The following PTPRN2 variants were observed in gnomAD, a reference collection of about 807,000 sequenced individuals.
PTPRN2 encodes the protein protein tyrosine phosphatase receptor type N2, also known as receptor-type tyrosine-protein phosphatase N2.
PTPRN2 carries 74 observed loss-of-function variants against 118.8 expected under a neutral mutation model. That is an observed-to-expected ratio of 0.62 (90% CI 0.52 to 0.76). PTPRN2 has a LOEUF of 0.76. Among genes scored for constraint, PTPRN2 ranks in the 30% least tolerant of loss-of-function variants. The pLI, the probability that PTPRN2 is intolerant of heterozygous loss-of-function variation, is 0.00. For synonymous variants in PTPRN2, 641 were observed against 608.0 expected (o/e 1.05, Z -0.80); for missense variants, 1,481 against 1,394.4 (o/e 1.06, Z -0.99).
At chr7:158,221,668 C>T (rs930265614) in intron 3 of PTPRN2, among the ~76,000 whole-genome samples, 1 of 152,082 alleles carries the variant, frequency 6.6e-6, no homozygotes, top group African/African-American at 2.4e-5. Flanking sequence ...TCGGATCCAT[C>T]AGATCTCATG....
At chr7:158,441,149 G>A (rs553790264) in intron 2 of PTPRN2, among the ~76,000 whole-genome samples, 27 of 150,326 alleles carry the variant, frequency 1.8e-4, no homozygotes, top group Admixed American at 3.9e-4. Flanking sequence ...TAGTGATGGT[G>A]GTGATAGTGA....
Position 157,623,791 on chromosome 7 carries a change from A to T in PTPRN2, c.2197-2282T>A, listed in dbSNP as rs563582289. Among the ~76,000 whole-genome samples the T allele has an allele frequency of 1.6e-4, 24 of 152,260 alleles. No individual in the cohort carries two copies. The South Asian group carries it at 3.7e-3, about 24-fold the overall frequency. On this transcript the variant is annotated intron_variant, in intron 14 of 22. Transcript: ENST00000389418. The stretch of plus-strand genomic sequence containing the variant: ...CTCTATTAAAACTGAGATAGAGCTG[A>T]CATCTCTCTGCACACGCCACTCCAG...
intron 11 of PTPRN2, among the ~76,000 whole-genome samples, chr7:157,999,004 C>T (rs1805008190): frequency 6.6e-6 from 1 of 151,890 alleles, no homozygotes; most frequent in African/African-American, 2.4e-5. Flanking sequence ...GTGACCCCTA[C>T]AGTGCTGACA....
intron 5 of PTPRN2, among the ~76,000 whole-genome samples, chr7:158,184,312 C>T (rs1234168457): frequency 6.6e-6 from 1 of 152,112 alleles, no homozygotes. Context: ...TTTCATTGTA[C>T]ATTGTCTTAC....
At chr7:158,201,582 G>C (rs1826651374) in intron 4 of PTPRN2, among the ~76,000 whole-genome samples, 1 of 152,054 alleles carries the variant, frequency 6.6e-6, no homozygotes, top group African/African-American at 2.4e-5. Context: ...CCAGATCCAG[G>C]AGATAATCAA....
intron 1 of PTPRN2, among the ~76,000 whole-genome samples, chr7:158,524,482 AGCGGAGTCTGCCCTGG>A: frequency 1.0e-5 from 1 of 96,152 alleles, no homozygotes; most frequent in Non-Finnish European, 2.1e-5. Flanking sequence ...TCTGCCCTGG[AGCGGAGTCTGCCCTGG>A]AGTGGAGTCG....
In PTPRN2 at chr7:157,787,985, G is replaced by A. The variant is rs1804182209; in HGVS notation, c.1789-105048C>T. ...GGTCCCCTGGGAACCACGCAGCCGG[G>A]GCCTGGAGGCCGACACAAGCCAGAC... On this transcript the variant is annotated intron_variant, in intron 12 of 22. Transcript: ENST00000389418. The surrounding 1 kb of genome is among the most constrained non-coding windows in gnomAD (Gnocchi z 5.3). Among the ~76,000 whole-genome samples the A allele has an allele frequency of 6.6e-6, 1 of 152,212 alleles. No homozygotes were observed. The highest frequency in any genetic ancestry group is 1.5e-5 in the Non-Finnish European group (1 of 68,034).
At chr7:157,820,983 G>A (rs934218518) in intron 12 of PTPRN2, among the ~76,000 whole-genome samples, 1 of 152,206 alleles carries the variant, frequency 6.6e-6, no homozygotes, top group Non-Finnish European at 1.5e-5. Flanking sequence ...CACGCTGGAG[G>A]GGAGGCAAGA....
intron 2 of PTPRN2, among the ~76,000 whole-genome samples, chr7:158,376,416 T>C (rs1469893945): frequency 2.2e-5 from 3 of 138,486 alleles, no homozygotes; most frequent in Non-Finnish European, 3.1e-5. Context: ...CCCATGGCCC[T>C]GTCATACGTC....
At chr7:158,319,107 C>T (rs1802589750) in intron 2 of PTPRN2, among the ~76,000 whole-genome samples, 1 of 152,120 alleles carries the variant, frequency 6.6e-6, no homozygotes, top group Admixed American at 6.5e-5. Flanking sequence ...TTCTTGAAAA[C>T]TTTCTTTTAA....
rs200816576 is a variant in PTPRN2 at position 157,587,199 on chromosome 7, G to GCAGGCAGA, written c.2496+8031_2496+8038dup. Among the ~76,000 whole-genome samples, 364 of 151,804 alleles carry GCAGGCAGA rather than the reference G, an allele frequency of 2.4e-3. 3 individuals are homozygous for GCAGGCAGA. The highest frequency in any genetic ancestry group is 8.3e-3 in the African/African-American group (345 of 41,352). On this transcript the variant is annotated intron_variant, in intron 17 of 22. Transcript: ENST00000389418. The surrounding 1 kb of genome is among the most constrained non-coding windows in gnomAD (Gnocchi z 5.3). ...AGACAGGCAGATAGAGACAAGACAG[G>GCAGGCAGA]CAGGCAGACAGAGACAAGACACACA...
chr7:158,141,508 G>A (rs932268860), intron 6 of PTPRN2, among the ~76,000 whole-genome samples: 3 of 152,228 alleles, frequency 2.0e-5, no homozygotes, highest in Non-Finnish European at 4.4e-5. Context: ...CCAAACACAA[G>A]TGCCGATGGC....
chr7:157,698,033 C>T (rs1353490638), intron 12 of PTPRN2, among the ~76,000 whole-genome samples: 1 of 152,230 alleles, frequency 6.6e-6, no homozygotes, highest in Admixed American at 6.5e-5. Context: ...TCTACCCATG[C>T]ATACTGGAAG....
chr7:157,765,477 CCACCCACA>C (rs1216551048), intron 12 of PTPRN2, among the ~76,000 whole-genome samples: 2 of 148,730 alleles, frequency 1.3e-5, no homozygotes, highest in Non-Finnish European at 3.0e-5. Context: ...CTTCTTTCAT[CCACCCACA>C]CACCCACCCA....
chr7:157,659,305 C>T (rs1278204482), intron 13 of PTPRN2, among the ~76,000 whole-genome samples: 2 of 81,362 alleles, frequency 2.5e-5, no homozygotes, highest in Non-Finnish European at 2.3e-5. Context: ...ACTGCGGGGA[C>T]GGGGGGGGAT....
Position 157,632,472 on chromosome 7 carries a change from G to A in PTPRN2, c.2197-10963C>T, listed in dbSNP as rs1244348662. On this transcript the variant is annotated intron_variant, in intron 14 of 22. Transcript: ENST00000389418. The surrounding 1 kb of genome is among the most constrained non-coding windows in gnomAD (Gnocchi z 4.3). The stretch of plus-strand genomic sequence containing the variant: ...ATGTTCTAATTAATAAACTTAAAAA[G>A]ATAAGTAATTTTTTCCTTACCACCT... Among the ~76,000 whole-genome samples the A allele has an allele frequency of 6.6e-6, 1 of 152,200 alleles. No homozygotes were observed. The highest frequency in any genetic ancestry group is 6.5e-5 in the Admixed American group (1 of 15,276).
At position 158,526,391 on chromosome 7, in the gene PTPRN2, C is replaced by T. The variant is rs548306973; in HGVS notation, c.113-36606G>A. Among the ~76,000 whole-genome samples the T allele has an allele frequency of 6.6e-6, 1 of 152,238 alleles. No homozygotes were observed. The highest frequency in any genetic ancestry group is 2.4e-5 in the African/African-American group (1 of 41,476). ...AGCCACGCTCACGAGAACCACCAGC[C>T]ACTCTGAGCTAGGACGGGGCACAGG... On this transcript the variant is annotated intron_variant, in intron 1 of 22. Transcript: ENST00000389418. The surrounding 1 kb of genome is among the most constrained non-coding windows in gnomAD (Gnocchi z 5.2).
intron 5 of PTPRN2, among the ~76,000 whole-genome samples, chr7:158,172,014 A>G (rs1823746931): frequency 6.6e-6 from 1 of 152,188 alleles, no homozygotes; most frequent in Non-Finnish European, 1.5e-5. Flanking sequence ...TGTGGATATG[A>G]AGCATTCGAG....
chr7:157,747,028 T>C (rs2907686), intron 12 of PTPRN2, among the ~76,000 whole-genome samples: 1,921 of 120,352 alleles, frequency 0.016, 82 homozygotes, highest in Admixed American at 0.035. Context: ...GCTGTTGAGG[T>C]GATTCTGAGG....
Sources: allele counts gnomAD v4.1 joint callset (sites outside exome capture counted in the v4.1 genomes callset), GRCh38; gene constraint gnomAD v4.1.1; non-coding constraint Gnocchi (gnomAD v3.1); transcripts MANE v1.5; gene names NCBI Gene and HGNC (gene_info 2026-07-23, HGNC 2026-07-21).